BRCA1: variants seen among roughly 807,000 people sequenced by gnomAD.
BRCA1 encodes the protein BRCA1 DNA repair associated.
Under a neutral mutation model 173.7 loss-of-function variants are expected in BRCA1, and 140 were observed. The ratio of observed to expected loss-of-function variants is 0.81; its 90% confidence interval spans 0.70 to 0.93. BRCA1 has a LOEUF of 0.93. BRCA1 is among the 40% of genes least tolerant of loss of function. The pLI is 0.00. For synonymous variants in BRCA1, 662 were observed against 756.0 expected, an observed-to-expected ratio of 0.88 and a Z score of 2.04; for missense variants, 1,983 against 2,172.5, an observed-to-expected ratio of 0.91 and a Z score of 1.73.
chr17:43,052,299 GA>G (rs2051274766), intron 19 of BRCA1, among the ~76,000 whole-genome samples: 1 of 151,740 alleles, frequency 6.6e-6, no homozygotes, highest in Admixed American at 6.6e-5. Context: ...TTTTTTTGAA[GA>G]GATGAGGTCT....
At position 43,095,843 on chromosome 17, in the gene BRCA1, T is replaced by C. The variant is rs1555593531; in HGVS notation, c.670+3A>G. On this transcript the variant is annotated splice_donor_region_variant and intron_variant, in intron 9 of 22. Transcript: ENST00000357654. Reference sequence around the variant, plus strand: ...CTGTTAAGTTGGCAAACTTTGCCATTACCCTTTTTTGCAGAATCCAAACTG... The same window carrying C: ...CTGTTAAGTTGGCAAACTTTGCCATCACCCTTTTTTGCAGAATCCAAACTG... 1 of 1,612,394 alleles carries C rather than the reference T, an allele frequency of 6.2e-7. No homozygotes were observed. Among genetic ancestry groups the C allele is most frequent in the Non-Finnish European group, 8.5e-7 (1 of 1,178,716 alleles).
intron 3 of BRCA1, among the ~76,000 whole-genome samples, chr17:43,107,804 C>T (rs1455815884): frequency 1.3e-5 from 2 of 152,210 alleles, no homozygotes; most frequent in Non-Finnish European, 2.9e-5. Context: ...CAAAGTGGAT[C>T]ATAGACCAGA....
At chr17:43,141,760 C>T (rs796497535) in intron 1 of BRCA1, among the ~76,000 whole-genome samples, 42 of 149,236 alleles carry the variant, frequency 2.8e-4, no homozygotes, top group African/African-American at 7.6e-4. Flanking sequence ...TGCAGTGAGC[C>T]GAGATCGCAC....
At chr17:43,098,139 C>T (rs2054216166) in intron 7 of BRCA1, among the ~76,000 whole-genome samples, 1 of 151,486 alleles carries the variant, frequency 6.6e-6, no homozygotes, top group Non-Finnish European at 1.5e-5. Flanking sequence ...ATCCACTCAC[C>T]TCTGCCTCCT....
intron 15 of BRCA1, among the ~76,000 whole-genome samples, chr17:43,070,661 G>A (rs1382468164): frequency 6.6e-6 from 1 of 152,228 alleles, no homozygotes; most frequent in South Asian, 2.1e-4. Context: ...ATTCCAATTC[G>A]AAAGTCCTAT....
At chr17:43,063,117 C>T (rs781028704) in intron 18 of BRCA1, among the ~76,000 whole-genome samples, 3 of 151,870 alleles carry the variant, frequency 2.0e-5, no homozygotes, top group Non-Finnish European at 4.4e-5. Flanking sequence ...CTTGAACTCC[C>T]GACATCAGGT....
At chr17:43,069,934 T>C (rs2153780262) in intron 15 of BRCA1, among the ~76,000 whole-genome samples, 1 of 152,076 alleles carries the variant, frequency 6.6e-6, no homozygotes, top group Non-Finnish European at 1.5e-5. Context: ...ATTCACGCAA[T>C]TCTTCTTCTT....
intron 2 of BRCA1, among the ~76,000 whole-genome samples, chr17:43,120,106 A>T: frequency 6.6e-6 from 1 of 152,224 alleles, no homozygotes; most frequent in Non-Finnish European, 1.5e-5. Flanking sequence ...TGACTGGAAA[A>T]AGCAGCTAGG....
At position 43,074,359 on chromosome 17, in the gene BRCA1, T is replaced by G. The variant is rs1371814796; in HGVS notation, c.4647A>C (p.Glu1549Asp). The G allele has an allele frequency of 1.2e-6, 2 of 1,614,070 alleles. No homozygotes were observed. Among genetic ancestry groups the G allele is most frequent in the Admixed American group, 3.3e-5 (2 of 60,006 alleles). The change falls in exon 14 of 23, where the codon GAA becomes GAC. Residue 1549 changes from glutamate (E) to aspartate (D), a missense_variant. Transcript: ENST00000357654. ...LEESGPHDLT[E>D]TSYLPRQDLE... is the part of the protein sequence containing the mutation. ...GATCTTGCCTTGGCAAGTAAGATGT[T>G]TCCGTCAAATCGTGTGGCCCAGACT...
intron 2 of BRCA1, among the ~76,000 whole-genome samples, chr17:43,120,898 C>T (rs2055525523): frequency 1.3e-5 from 2 of 151,674 alleles, no homozygotes; most frequent in Admixed American, 1.3e-4. Context: ...AACCCTATCT[C>T]TACTAAAAAT....
chr17:43,131,269 A>C (rs980530463), intron 1 of BRCA1: 2 of 394,424 alleles, frequency 5.1e-6, no homozygotes, highest in African/African-American at 4.1e-5. Context: ...GAAGATGAAG[A>C]GGTAAAGTAT....
rs80357029 is a variant in BRCA1, at chr17:43,093,523, C to T, written c.2008G>A (p.Glu670Lys). The T allele has an allele frequency of 2.5e-6, 4 of 1,614,008 alleles. No homozygotes were observed. The Admixed American group carries it at 6.7e-5, about 27-fold the overall frequency. The stretch of plus-strand genomic sequence containing the variant: ...GCTCCAGTTGCAGGTTCTTTACCTT[C>T]CATGAGTTGTAGGTTTCTGCTGTGC... ...VRHSRNLQLM[E>K]GKEPATGAKK... The change falls in exon 10 of 23, where the codon GAA becomes AAA. Residue 670 changes from glutamate (E) to lysine (K), a missense_variant. Glu to Lys is a moderately conservative substitution (Grantham distance 56, BLOSUM62 1). Transcript: ENST00000357654.
At chr17:43,167,290 A>G (rs1225759202) in intron 1 of BRCA1, 2 of 152,180 alleles carry the variant, frequency 1.3e-5, no homozygotes, top group Non-Finnish European at 2.9e-5. Context: ...TAAAGAAGGA[A>G]GGGGTTTATT....
chr17:43,095,587 A>C lies in BRCA1; in HGVS notation c.670+259T>G, dbSNP rs7503154. On this transcript the variant is annotated intron_variant, in intron 9 of 22. Transcript: ENST00000357654. ...ACAGAGTGAGACCCCATCTCAAAAA[A>C]AAACAAACAAACAAACAAAAAAAAA... Among the ~76,000 whole-genome samples, 47,632 of 151,446 alleles carry C rather than the reference A, an allele frequency of 0.31. 7,801 individuals are homozygous for C. The highest frequency in any genetic ancestry group is 0.49 in the South Asian group (2,354 of 4,790).
intron 11 of BRCA1, among the ~76,000 whole-genome samples, chr17:43,087,446 T>G (rs2053270073): frequency 6.6e-6 from 1 of 152,128 alleles, no homozygotes; most frequent in Non-Finnish European, 1.5e-5. Flanking sequence ...GTGGATCACT[T>G]GAGGCCAGGA....
chr17:43,104,115 G>A lies in BRCA1; in HGVS notation c.441+7C>T, dbSNP rs2154548520. 2.5e-6 allele frequency: 4 copies of A among 1,611,854 alleles called. No homozygotes were observed. Among genetic ancestry groups the A allele is most frequent in the Non-Finnish European group, 3.4e-6 (4 of 1,178,854 alleles). On this transcript the variant is annotated splice_region_variant and intron_variant, in intron 6 of 22. Coordinates refer to ENST00000357654, the MANE Select transcript of BRCA1 (RefSeq NM_007294.4). ...AAGAAGAAGAAGAAGAAAACAAATG[G>A]TTTTACCAAGGAAGGATTTTCGGGT...
chr17:43,102,644 C>T (rs192567152), intron 6 of BRCA1, among the ~76,000 whole-genome samples: 1 of 151,724 alleles, frequency 6.6e-6, no homozygotes, highest in East Asian at 1.9e-4. Flanking sequence ...TGTTAGCCGC[C>T]GCACCCAGCC....
At chr17:43,128,023 C>CAAA (rs61243891), upstream of BRCA1, among the ~76,000 whole-genome samples, 6 of 24,984 alleles carry the variant, frequency 2.4e-4, no homozygotes, top group Admixed American at 5.0e-4. Context: ...GACTCCATCT[C>CAAA]AAAAAAAAAA....
chr17:43,144,998 G>A (rs1224790251), intron 1 of BRCA1: 16 of 667,572 alleles, frequency 2.4e-5, no homozygotes, highest in Non-Finnish European at 4.6e-5. Flanking sequence ...GGCTGCCATG[G>A]AAGAGCCCAA....
Sources: allele counts gnomAD v4.1 joint callset (sites outside exome capture counted in the v4.1 genomes callset), GRCh38; gene constraint gnomAD v4.1.1; transcripts MANE v1.5; gene names NCBI Gene and HGNC (gene_info 2026-07-23, HGNC 2026-07-21).